The following MCTP2 variants were observed in gnomAD, a reference collection of about 807,000 sequenced individuals.
The protein encoded by MCTP2 is multiple C2 and transmembrane domain containing 2.
A neutral mutation model predicts 111.6 loss-of-function variants in MCTP2; 132 were observed. The ratio of observed to expected loss-of-function variants is 1.18; its 90% CI spans 1.03 to 1.37. MCTP2 has a LOEUF of 1.37. MCTP2 is among the 40% of genes most tolerant of loss of function. MCTP2 has a pLI of 0.00. For synonymous variants in MCTP2, 395 were observed against 387.7 expected (o/e 1.02, Z -0.22); for missense variants, 1,183 against 1,067.9 (o/e 1.11, Z -1.50).
chr15:94,361,919 G>A (rs1010512866), intron 10 of MCTP2, among the ~76,000 whole-genome samples: 1 of 152,184 alleles, frequency 6.6e-6, no homozygotes, highest in Non-Finnish European at 1.5e-5. Context: ...TTAGCTTGGT[G>A]ATGGTTAAAA....
At chr15:94,318,427 GCA>G (rs1176713313) in intron 4 of MCTP2, among the ~76,000 whole-genome samples, 1 of 152,026 alleles carries the variant, frequency 6.6e-6, no homozygotes, top group Non-Finnish European at 1.5e-5. Context: ...GGGATTACAG[GCA>G]CGCACCACCA....
intron 4 of MCTP2, among the ~76,000 whole-genome samples, chr15:94,337,234 G>A (rs1310254327): frequency 4.6e-5 from 7 of 151,932 alleles, no homozygotes; most frequent in African/African-American, 1.7e-4. Context: ...TGTAAACCCC[G>A]GTCCCTTTTT....
chr15:94,477,375 C>A (rs1443217203), intron 22 of MCTP2, among the ~76,000 whole-genome samples: 1 of 152,092 alleles, frequency 6.6e-6, no homozygotes, highest in Admixed American at 6.6e-5. Context: ...TAATGGTCAC[C>A]TAGTCCAGCA....
intron 1 of MCTP2, among the ~76,000 whole-genome samples, chr15:94,288,139 G>T (rs924133371): frequency 1.3e-5 from 2 of 152,100 alleles, no homozygotes; most frequent in African/African-American, 2.4e-5. Context: ...GTGCCAATTG[G>T]GTTTTTTAAT....
intron 20 of MCTP2, among the ~76,000 whole-genome samples, chr15:94,467,158 A>ACT (rs2073418583): frequency 2.0e-5 from 3 of 152,210 alleles, no homozygotes; most frequent in Non-Finnish European, 1.5e-5. Context: ...GGAAAATGAA[A>ACT]GCACAGAGTG....
chr15:94,243,686 CACAT>C (rs530019700), intron 1 of MCTP2, among the ~76,000 whole-genome samples: 286 of 144,834 alleles, frequency 2.0e-3, no homozygotes, highest in African/African-American at 6.4e-3. Context: ...TATATGTATA[CACAT>C]ACATATGCGT....
intron 14 of MCTP2, among the ~76,000 whole-genome samples, chr15:94,386,391 A>G (rs1338187071): frequency 1.3e-5 from 2 of 152,214 alleles, no homozygotes; most frequent in African/African-American, 4.8e-5. Context: ...GCACTCCGTA[A>G]TTTAACCATG....
At chr15:94,346,330 C>G (rs187060042) in intron 8 of MCTP2, among the ~76,000 whole-genome samples, 1 of 152,246 alleles carries the variant, frequency 6.6e-6, no homozygotes, top group East Asian at 1.9e-4. Context: ...TATGAGTTCA[C>G]TTGGTTCCCA....
intron 1 of MCTP2, among the ~76,000 whole-genome samples, chr15:94,275,937 C>T (rs2152305835): frequency 6.6e-6 from 1 of 151,316 alleles, no homozygotes; most frequent in East Asian, 1.9e-4. Context: ...CAACCTCTGC[C>T]TCCCTGGTTC....
chr15:94,433,229 CCTAT>C (rs1457449194), intron 17 of MCTP2, among the ~76,000 whole-genome samples: 2 of 152,080 alleles, frequency 1.3e-5, no homozygotes, highest in Non-Finnish European at 2.9e-5. Flanking sequence ...GTCATGTTCT[CCTAT>C]CTGAGATTTA....
intron 1 of MCTP2, among the ~76,000 whole-genome samples, chr15:94,249,161 G>A (rs888530213): frequency 5.9e-5 from 9 of 152,210 alleles, no homozygotes; most frequent in African/African-American, 7.2e-5. Flanking sequence ...TTGATTTTCC[G>A]TAATATGCCT....
At chr15:94,452,313 C>T (rs1204366776) in intron 19 of MCTP2, among the ~76,000 whole-genome samples, 1 of 152,100 alleles carries the variant, frequency 6.6e-6, no homozygotes, top group African/African-American at 2.4e-5. Context: ...GTGAAAAGAG[C>T]ATTTGCTATT....
intron 2 of MCTP2, among the ~76,000 whole-genome samples, chr15:94,298,994 T>C (rs1375359618): frequency 7.6e-5 from 5 of 66,034 alleles, no homozygotes; most frequent in African/African-American, 1.8e-4. Flanking sequence ...TCTCCCTCTC[T>C]CCCTCTCCCT....
Position 94,458,340 on chromosome 15 carries a change from A to C in MCTP2, c.2360+94A>C, listed in dbSNP as rs2084969374. 1.0e-5 allele frequency: 8 copies of C among 765,304 alleles called. No individual in the cohort carries two copies. In the South Asian group the frequency reaches 1.2e-4, roughly 11 times the overall value. The allele number at this position is 765,304 out of a possible 1,614,324, so 47.4% of individuals were successfully genotyped here. A position where few individuals can be genotyped will look rare whatever the true frequency, so the allele number is the denominator to read the frequency against. On this transcript the variant is annotated intron_variant, in intron 20 of 22. Transcript: ENST00000357742. ...CAGTGGTGTGCGACAAAGGGAGGCA[A>C]GAAAATACAAAAACACACCAAAGCA...
chr15:94,373,406 A>C (rs888338917), intron 12 of MCTP2, among the ~76,000 whole-genome samples: 2 of 152,228 alleles, frequency 1.3e-5, no homozygotes, highest in African/African-American at 4.8e-5. Context: ...AATGTGTTGA[A>C]AGACATGAAT....
At chr15:94,285,247 A>G (rs2074695814) in intron 1 of MCTP2, among the ~76,000 whole-genome samples, 1 of 152,180 alleles carries the variant, frequency 6.6e-6, no homozygotes. Flanking sequence ...GAAGTTCCTT[A>G]GGGAGCTTTT....
At chr15:94,415,735 A>T (rs1040215782) in intron 17 of MCTP2, among the ~76,000 whole-genome samples, 2 of 151,870 alleles carry the variant, frequency 1.3e-5, no homozygotes, top group Non-Finnish European at 2.9e-5. Flanking sequence ...AACTTTGTCC[A>T]GACCATCATT....
chr15:94,397,062 T>G (rs1297358865), intron 14 of MCTP2, among the ~76,000 whole-genome samples: 1 of 152,224 alleles, frequency 6.6e-6, no homozygotes, highest in Non-Finnish European at 1.5e-5. Context: ...ATTTGGTGTT[T>G]GTGGAAGTTC....
chr15:94,301,152 T>G (rs970946257), intron 2 of MCTP2, among the ~76,000 whole-genome samples: 9 of 152,186 alleles, frequency 5.9e-5, no homozygotes, highest in African/African-American at 2.2e-4. Context: ...TTTTCTGACC[T>G]AGAAAGTACA....
Sources: allele counts gnomAD v4.1 joint callset (sites outside exome capture counted in the v4.1 genomes callset), GRCh38; gene constraint gnomAD v4.1.1; transcripts MANE v1.5; gene names NCBI Gene and HGNC (gene_info 2026-07-23, HGNC 2026-07-21).